Variants in TENM3 observed in about 807,000 individuals in gnomAD.
The protein encoded by TENM3 is teneurin-3.
In TENM3, 63 loss-of-function variants were observed where a neutral mutation model predicts 255.1. The observed-to-expected ratio is 0.25, with a 90% CI of 0.20 to 0.30. The LOEUF (loss-of-function observed/expected upper bound fraction) is 0.30, where lower values mean the gene tolerates loss of function less well. Among genes scored for constraint, TENM3 ranks in the 10% least tolerant of loss-of-function variants. The pLI, the probability that TENM3 is intolerant of heterozygous loss-of-function variation, is 1.00. For synonymous variants in TENM3, 1,306 were observed against 1,322.3 expected (o/e 0.99, Z 0.27); for missense variants, 2,929 against 3,461.1 (o/e 0.85, Z 3.86).
intron 3 of TENM3, among the ~76,000 whole-genome samples, chr4:182,395,499 C>T (rs1176011018): frequency 6.6e-6 from 1 of 151,998 alleles, no homozygotes. Flanking sequence ...CTAATTAGCC[C>T]AAGAATATTC....
chr4:182,090,220 A>G, the TENM3 span, among the ~76,000 whole-genome samples: 5 of 152,322 alleles, frequency 3.3e-5, no homozygotes, highest in Non-Finnish European at 5.9e-5. Flanking sequence ...GTGAAGAAGT[A>G]CTTTTAAATA....
At position 182,680,203 on chromosome 4, in the gene TENM3, G is replaced by C. The variant is rs377531695; in HGVS notation, c.1538-45G>C. On this transcript the variant is annotated intron_variant, in intron 8 of 27. Coordinates refer to ENST00000511685, the MANE Select transcript of TENM3 (RefSeq NM_001080477.4). The stretch of plus-strand genomic sequence containing the variant: ...AAGTGATACCGTTTATCTTTTGCAA[G>C]AGGCAGGCTATACAACAAGTGTTCC... 18 of 1,358,680 alleles carry C rather than the reference G, an allele frequency of 1.3e-5. No individual in the cohort carries two copies. In the African/African-American group the frequency reaches 2.4e-4, roughly 18 times the overall value. 84.2% of individuals were successfully genotyped at this position (1,358,680 alleles called of 1,614,324 possible). A position where few individuals can be genotyped will look rare whatever the true frequency, so the allele number is the denominator to read the frequency against.
chr4:182,287,745 C>A (rs1760832968), intron 1 of TENM3, among the ~76,000 whole-genome samples: 1 of 151,740 alleles, frequency 6.6e-6, no homozygotes, highest in South Asian at 2.1e-4. Flanking sequence ...TCCCGAGTAG[C>A]TGGGACTACA....
intron 1 of TENM3, among the ~76,000 whole-genome samples, chr4:182,249,956 A>G (rs189530254): frequency 4.0e-5 from 6 of 149,992 alleles, no homozygotes; most frequent in Admixed American, 1.3e-4. Flanking sequence ...GAGTCTCGCT[A>G]TGTTGTCTAG....
the TENM3 span, among the ~76,000 whole-genome samples, chr4:181,803,744 A>G: frequency 6.6e-6 from 1 of 152,024 alleles, no homozygotes; most frequent in African/African-American, 2.4e-5. Context: ...CAGCCTGGGC[A>G]ACATAGTGAG....
the TENM3 span, among the ~76,000 whole-genome samples, chr4:181,616,876 C>T: frequency 2.0e-5 from 3 of 152,186 alleles, no homozygotes; most frequent in African/African-American, 4.8e-5. Flanking sequence ...ATCTTTTACT[C>T]AGTCCACTGA....
the TENM3 span, among the ~76,000 whole-genome samples, chr4:182,086,818 C>A: frequency 6.6e-6 from 1 of 152,106 alleles, no homozygotes; most frequent in South Asian, 2.1e-4. Flanking sequence ...CTCTGGGGAA[C>A]GTAAAAGACA....
the TENM3 span, among the ~76,000 whole-genome samples, chr4:181,715,266 A>C: frequency 1.2e-4 from 19 of 152,318 alleles, 1 homozygote; most frequent in South Asian, 3.7e-3. Flanking sequence ...GATATACCAG[A>C]GTTTGTCCCA....
the TENM3 span, among the ~76,000 whole-genome samples, chr4:181,595,936 C>A: frequency 6.6e-6 from 1 of 152,166 alleles, no homozygotes; most frequent in African/African-American, 2.4e-5. Flanking sequence ...GTGCTCCCAC[C>A]CAAGTCACTG....
the TENM3 span, among the ~76,000 whole-genome samples, chr4:181,856,091 GA>G: frequency 7.7e-6 from 1 of 130,170 alleles, no homozygotes; most frequent in Non-Finnish European, 1.7e-5. Flanking sequence ...AGGAAGGAAG[GA>G]AAGGGAAAGA....
At chr4:182,388,142 C>T (rs981186730) in intron 3 of TENM3, among the ~76,000 whole-genome samples, 1 of 152,054 alleles carries the variant, frequency 6.6e-6, no homozygotes, top group African/African-American at 2.4e-5. Flanking sequence ...TCTTTCTTTT[C>T]TCTGTAGCTG....
the TENM3 span, among the ~76,000 whole-genome samples, chr4:182,008,626 G>A: frequency 0.011 from 1,665 of 151,920 alleles, 30 homozygotes; most frequent in African/African-American, 0.038. Flanking sequence ...CCATTCCTCT[G>A]ACCTTTTATC....
At chr4:182,748,886 T>A (rs1437814870) in intron 19 of TENM3, among the ~76,000 whole-genome samples, 2 of 152,204 alleles carry the variant, frequency 1.3e-5, no homozygotes, top group African/African-American at 4.8e-5. Flanking sequence ...TTTAAAGCCA[T>A]TGACATTTGT....
At chr4:182,291,579 A>G (rs1313286579) in intron 1 of TENM3, among the ~76,000 whole-genome samples, 2 of 151,888 alleles carry the variant, frequency 1.3e-5, no homozygotes, top group African/African-American at 4.8e-5. Context: ...GGATAATATT[A>G]CCCTCCCCAT....
At position 182,177,614 on chromosome 4, in the gene TENM3, A is replaced by T. The variant is rs201095090; in HGVS notation, c.-76+32860A>T. Among the ~76,000 whole-genome samples the T allele has an allele frequency of 2.7e-3, 365 of 132,912 alleles. 1 individual carries two copies. The highest frequency in any genetic ancestry group is 5.4e-3 in the Admixed American group (74 of 13,730). 87.2% of individuals were successfully genotyped at this position (132,912 alleles called of 152,430 possible). Reference sequence around the variant, plus strand: ...ATATTTGGCATACATATATATATATATTTTTTTTTTTTTTGCTCTACCCTC... The same window carrying T: ...ATATTTGGCATACATATATATATATTTTTTTTTTTTTTTTGCTCTACCCTC... On this transcript the variant is annotated intron_variant, in intron 1 of 2. Transcript: ENST00000512480.
the TENM3 span, among the ~76,000 whole-genome samples, chr4:181,648,498 T>G: frequency 6.6e-6 from 1 of 152,162 alleles, no homozygotes; most frequent in African/African-American, 2.4e-5. Context: ...CAGAATTAGC[T>G]TTTGTGCTAT....
chr4:182,321,344 G>T lies in TENM3; in HGVS notation c.-75-2602G>T, dbSNP rs147966752. On this transcript the variant is annotated intron_variant, in intron 1 of 27. Coordinates refer to ENST00000511685, the MANE Select transcript of TENM3 (RefSeq NM_001080477.4). ...ATATTCATCTAAAATAACTTCTTGG[G>T]GCCGGGCGCGGTGGCTCACTCCTGT... is the stretch of plus-strand genomic sequence containing the variant. 2.2e-3 allele frequency among the ~76,000 whole-genome samples: 338 copies of T among 152,228 alleles called. 1 individual carries two copies. The highest frequency in any genetic ancestry group is 6.8e-3 in the Middle Eastern group (2 of 294).
At chr4:182,770,753 A>G (rs1297781582) in intron 22 of TENM3, among the ~76,000 whole-genome samples, 1 of 152,214 alleles carries the variant, frequency 6.6e-6, no homozygotes, top group East Asian at 1.9e-4. Flanking sequence ...CTGCTCACCC[A>G]GACTTCTCTG....
At chr4:181,554,084 CAGG>C in the TENM3 span, among the ~76,000 whole-genome samples, 5 of 152,108 alleles carry the variant, frequency 3.3e-5, no homozygotes, top group African/African-American at 9.7e-5. Flanking sequence ...GTTGGGCTAG[CAGG>C]AGGAGGAAGA....
Sources: gnomAD v4.1 joint callset for allele counts (sites outside exome capture counted in the v4.1 genomes callset) on GRCh38, gnomAD v4.1.1 for gene constraint, MANE v1.5 for transcripts, NCBI Gene and HGNC (gene_info 2026-07-23, HGNC 2026-07-21) for gene names.